The following PPP1R13B variants were observed in gnomAD, a reference collection of about 807,000 sequenced individuals.
PPP1R13B encodes the protein protein phosphatase 1 regulatory subunit 13B, also known as apoptosis-stimulating of p53 protein 1.
PPP1R13B carries 44 observed loss-of-function variants against 119.8 expected under a neutral mutation model. The observed-to-expected ratio is 0.37, with a 90% CI of 0.29 to 0.47. PPP1R13B has a LOEUF of 0.47. Ranked by LOEUF, PPP1R13B falls within the 20% of genes least tolerant of loss-of-function variation. The pLI is 0.99. For synonymous variants in PPP1R13B, 542 were observed against 561.5 expected, an observed-to-expected ratio of 0.97 and a Z score of 0.49; for missense variants, 1,227 against 1,413.5, an observed-to-expected ratio of 0.87 and a Z score of 2.12.
chr14:103,809,826 AATTATT>A (rs111903490), intron 1 of PPP1R13B, among the ~76,000 whole-genome samples: 2 of 149,198 alleles, frequency 1.3e-5, no homozygotes, highest in African/African-American at 2.5e-5. Flanking sequence ...CTTGTCTCAA[AATTATT>A]ATTATTATTT....
intron 1 of PPP1R13B, among the ~76,000 whole-genome samples, chr14:103,813,375 T>A (rs958393560): frequency 6.6e-5 from 10 of 152,224 alleles, no homozygotes; most frequent in African/African-American, 2.2e-4. Context: ...TAAGATATGG[T>A]TTGGCTGTGC....
intron 2 of PPP1R13B, among the ~76,000 whole-genome samples, chr14:103,789,140 T>A (rs1331417411): frequency 6.6e-6 from 1 of 152,222 alleles, no homozygotes; most frequent in African/African-American, 2.4e-5. Context: ...CCTCATGAGC[T>A]GACTCCCTGG....
chr14:103,791,531 C>T (rs1293097245), intron 2 of PPP1R13B, among the ~76,000 whole-genome samples: 1 of 152,144 alleles, frequency 6.6e-6, no homozygotes, highest in Non-Finnish European at 1.5e-5. Context: ...TCGAGACCAG[C>T]CTGGCCAACA....
At chr14:103,848,126 G>T, upstream of PPP1R13B, 1 of 604,674 alleles carries the variant, frequency 1.7e-6, no homozygotes, top group Non-Finnish European at 2.1e-6. Flanking sequence ...CCGGCCCGAC[G>T]CCCTTGGCTG....
chr14:103,844,864 G>A (rs919500222), intron 1 of PPP1R13B, among the ~76,000 whole-genome samples: 2 of 152,228 alleles, frequency 1.3e-5, no homozygotes, highest in African/African-American at 4.8e-5. Context: ...CACTGGAAAT[G>A]TGCTAGTCTG....
intron 9 of PPP1R13B, among the ~76,000 whole-genome samples, 159 bp downstream of exon 9, chr14:103,746,214 G>A (rs2084380571): frequency 6.6e-6 from 1 of 152,214 alleles, no homozygotes; most frequent in Non-Finnish European, 1.5e-5. Flanking sequence ...TACCACAGGG[G>A]AACACAGCTC....
At chr14:103,791,571 A>G (rs1018211080) in intron 2 of PPP1R13B, among the ~76,000 whole-genome samples, 1 of 152,180 alleles carries the variant, frequency 6.6e-6, no homozygotes, top group Non-Finnish European at 1.5e-5. Context: ...CTAAAAATAC[A>G]AAACTTAGCC....
intron 1 of PPP1R13B, among the ~76,000 whole-genome samples, chr14:103,798,543 C>T (rs943574842): frequency 4.6e-5 from 7 of 151,814 alleles, no homozygotes; most frequent in African/African-American, 1.5e-4. Flanking sequence ...ATACATAAAG[C>T]GCTCCTAAAA....
intron 9 of PPP1R13B, among the ~76,000 whole-genome samples, chr14:103,745,245 T>TGG (rs1728348704): frequency 6.6e-6 from 1 of 152,070 alleles, no homozygotes; most frequent in Non-Finnish European, 1.5e-5. Flanking sequence ...AGCTCCCCAG[T>TGG]GGGGGCAACA....
chr14:103,774,488 T>C (rs192136758), intron 4 of PPP1R13B, among the ~76,000 whole-genome samples: 27 of 152,312 alleles, frequency 1.8e-4, no homozygotes, highest in African/African-American at 6.3e-4. Flanking sequence ...ACAAATCAAT[T>C]TGCCTTTATA....
chr14:103,792,093 T>C (rs1363337852), intron 2 of PPP1R13B, among the ~76,000 whole-genome samples: 1 of 152,108 alleles, frequency 6.6e-6, no homozygotes, highest in Non-Finnish European at 1.5e-5. Flanking sequence ...AGTCTGAACA[T>C]AACCTAATAA....
At chr14:103,748,375 T>C (rs2084448298) in intron 8 of PPP1R13B, among the ~76,000 whole-genome samples, 1 of 152,200 alleles carries the variant, frequency 6.6e-6, no homozygotes, top group Admixed American at 6.5e-5. Flanking sequence ...TCCACAGAAC[T>C]GGAAGCTCCC....
intron 1 of PPP1R13B, among the ~76,000 whole-genome samples, chr14:103,809,587 G>A (rs1477758334): frequency 6.6e-6 from 1 of 151,986 alleles, no homozygotes; most frequent in Non-Finnish European, 1.5e-5. Context: ...TTGGGAGGTT[G>A]AGGTGGGCAG....
At chr14:103,831,743 C>T (rs1465802734) in intron 1 of PPP1R13B, among the ~76,000 whole-genome samples, 1 of 151,926 alleles carries the variant, frequency 6.6e-6, no homozygotes. Context: ...CAAGACCAAC[C>T]TGGCCAACAT....
At chr14:103,834,582 T>A in intron 1 of PPP1R13B, among the ~76,000 whole-genome samples, 1 of 93,014 alleles carries the variant, frequency 1.1e-5, no homozygotes, top group African/African-American at 8.6e-5. Flanking sequence ...TTTTAATGTC[T>A]TTTTTTTTTT....
intron 2 of PPP1R13B, among the ~76,000 whole-genome samples, chr14:103,788,117 G>C (rs1326158439): frequency 6.7e-6 from 1 of 148,232 alleles, no homozygotes; most frequent in African/African-American, 2.5e-5. Context: ...GTCTCAAAAA[G>C]AGAAAAATGA....
chr14:103,830,943 A>AT (rs34201103), intron 1 of PPP1R13B, among the ~76,000 whole-genome samples: 2,776 of 142,374 alleles, frequency 0.019, 53 homozygotes, highest in African/African-American at 0.044. Flanking sequence ...TACTCAAGTA[A>AT]TTTTTTTTTT....
At chr14:103,798,206 C>T (rs866008240) in intron 1 of PPP1R13B, among the ~76,000 whole-genome samples, 6 of 141,936 alleles carry the variant, frequency 4.2e-5, no homozygotes, top group South Asian at 2.2e-4. Flanking sequence ...GGCTGGAGTG[C>T]AGTGGCGCGA....
chr14:103,826,456 C>A (rs1374365067), intron 1 of PPP1R13B, among the ~76,000 whole-genome samples: 1 of 152,144 alleles, frequency 6.6e-6, no homozygotes, highest in South Asian at 2.1e-4. Context: ...CAGGTATTAC[C>A]ATGAGAAGTC....
Sources: allele counts gnomAD v4.1 joint callset (sites outside exome capture counted in the v4.1 genomes callset), GRCh38; gene constraint gnomAD v4.1.1; transcripts MANE v1.5; gene names NCBI Gene and HGNC (gene_info 2026-07-23, HGNC 2026-07-21).